Variants in SPPL3 observed in about 807,000 individuals in gnomAD.
SPPL3 encodes the protein signal peptide peptidase like 3.
A neutral mutation model predicts 42.4 loss-of-function variants in SPPL3; 5 were observed. The observed-to-expected ratio is 0.12, with a 90% CI of 0.06 to 0.25. The LOEUF is 0.25. SPPL3 is among the 10% of genes least tolerant of loss of function. The pLI is 1.00. For synonymous variants in SPPL3, 195 were observed against 181.8 expected (o/e 1.07, Z -0.58); for missense variants, 235 against 489.0 (o/e 0.48, Z 4.90).
chr12:120,811,686 TTTG>T (rs1160015348), intron 1 of SPPL3, among the ~76,000 whole-genome samples: 2 of 152,184 alleles, frequency 1.3e-5, no homozygotes, highest in African/African-American at 2.4e-5. Flanking sequence ...TAGCAGGCTT[TTTG>T]TTGTTGTTGT....
chr12:120,766,425 G>C, intron 9 of SPPL3, 53 bp from the exon 10 acceptor site: 1 of 1,443,042 alleles, frequency 6.9e-7, no homozygotes, highest in South Asian at 1.3e-5. Flanking sequence ...CGTGTCACCT[G>C]GCTGCTGCTG....
chr12:120,891,417 C>T (rs761764671), intron 1 of SPPL3, among the ~76,000 whole-genome samples: 5 of 151,670 alleles, frequency 3.3e-5, no homozygotes, highest in Admixed American at 6.6e-5. Flanking sequence ...CATCAGGCCA[C>T]GAGATTTTTT....
intron 1 of SPPL3, among the ~76,000 whole-genome samples, chr12:120,888,983 T>C (rs1296591643): frequency 6.6e-6 from 1 of 151,958 alleles, no homozygotes; most frequent in African/African-American, 2.4e-5. Flanking sequence ...CTGGCTAATT[T>C]TTGCATTTTT....
At chr12:120,776,920 G>T (rs487912) in intron 6 of SPPL3, among the ~76,000 whole-genome samples, 115,068 of 152,120 alleles carry the variant, frequency 0.76, 44,631 homozygotes, top group African/African-American at 0.92. Flanking sequence ...TCTGCTAGCA[G>T]TGAAACTAAT....
chr12:120,884,321 A>G (rs1873383168), intron 1 of SPPL3, among the ~76,000 whole-genome samples: 1 of 152,106 alleles, frequency 6.6e-6, no homozygotes, highest in South Asian at 2.1e-4. Flanking sequence ...TACACATACA[A>G]ATCATATATT....
intron 2 of SPPL3, among the ~76,000 whole-genome samples, chr12:120,793,870 G>A (rs538487405): frequency 6.6e-5 from 10 of 152,312 alleles, no homozygotes; most frequent in South Asian, 4.1e-4. Flanking sequence ...GAGAAAGAGC[G>A]TGTGTTCTGT....
intron 1 of SPPL3, among the ~76,000 whole-genome samples, chr12:120,825,606 A>G (rs1381282640): frequency 2.0e-5 from 3 of 152,252 alleles, no homozygotes; most frequent in Non-Finnish European, 4.4e-5. Flanking sequence ...CTGCAAGATC[A>G]GCTTCTGTTT....
intron 1 of SPPL3, among the ~76,000 whole-genome samples, chr12:120,852,273 A>G (rs1872253046): frequency 6.7e-6 from 1 of 150,238 alleles, no homozygotes; most frequent in African/African-American, 2.4e-5. Flanking sequence ...GTTACATGCC[A>G]ATTTGACATT....
intron 1 of SPPL3, among the ~76,000 whole-genome samples, chr12:120,854,086 G>C (rs1221070046): frequency 6.6e-6 from 1 of 151,230 alleles, no homozygotes; most frequent in Non-Finnish European, 1.5e-5. Flanking sequence ...TCCCCAAACA[G>C]GATAAACCTA....
intron 1 of SPPL3, among the ~76,000 whole-genome samples, chr12:120,884,754 T>TATAA (rs1873396808): frequency 6.6e-6 from 1 of 151,332 alleles, no homozygotes; most frequent in Non-Finnish European, 1.5e-5. Context: ...GACACCCTTA[T>TATAA]GGCTGGAGAT....
intron 1 of SPPL3, among the ~76,000 whole-genome samples, chr12:120,863,960 G>A (rs554597342): frequency 6.6e-6 from 1 of 152,052 alleles, no homozygotes; most frequent in African/African-American, 2.4e-5. Flanking sequence ...TCCCGGGCAT[G>A]AGCTACCACA....
At chr12:120,846,732 C>G (rs1170697583) in intron 1 of SPPL3, among the ~76,000 whole-genome samples, 5 of 152,148 alleles carry the variant, frequency 3.3e-5, no homozygotes, top group African/African-American at 1.2e-4. Flanking sequence ...TTGTGGAAAG[C>G]TGGCAAAATG....
At chr12:120,898,318 A>ATT (rs1457452311) in intron 1 of SPPL3, among the ~76,000 whole-genome samples, 2,357 of 95,584 alleles carry the variant, frequency 0.025, 15 homozygotes, top group Non-Finnish European at 0.047. Flanking sequence ...TTTTTTTAAA[A>ATT]AAAAAAAAAA....
chr12:120,891,736 T>TAAAA (rs5801407), intron 1 of SPPL3, among the ~76,000 whole-genome samples: 3 of 134,644 alleles, frequency 2.2e-5, no homozygotes, highest in Non-Finnish European at 4.8e-5. Context: ...TTGCAAATTC[T>TAAAA]AAAAAAAAAA....
intron 1 of SPPL3, among the ~76,000 whole-genome samples, chr12:120,822,422 A>G (rs1363182145): frequency 6.6e-6 from 1 of 152,234 alleles, no homozygotes; most frequent in Non-Finnish European, 1.5e-5. Context: ...GATTCTAGAA[A>G]CGAAGTCTTA....
At chr12:120,822,125 T>C (rs1272336674) in intron 1 of SPPL3, among the ~76,000 whole-genome samples, 2 of 152,126 alleles carry the variant, frequency 1.3e-5, no homozygotes, top group Non-Finnish European at 2.9e-5. Context: ...GTTTGATGCA[T>C]ACAGAGTTTC....
At chr12:120,786,130 T>A (rs1869714203) in intron 3 of SPPL3, among the ~76,000 whole-genome samples, 1 of 152,098 alleles carries the variant, frequency 6.6e-6, no homozygotes, top group Non-Finnish European at 1.5e-5. Context: ...GGCAGATGAG[T>A]GAAGTAATTC....
chr12:120,824,577 C>T (rs515784), intron 1 of SPPL3, among the ~76,000 whole-genome samples: 136,470 of 152,266 alleles, frequency 0.9, 62,131 homozygotes, highest in East Asian at 1. Flanking sequence ...TCACCCAGGC[C>T]GGAGTGTAGT....
chr12:120,784,283 G>T (rs1257207947), intron 4 of SPPL3, 191 bp downstream of exon 4: 2 of 484,898 alleles, frequency 4.1e-6, no homozygotes, highest in Non-Finnish European at 7.4e-6. Context: ...GGTCTCAACA[G>T]ATGACGTGGA....
Sources: allele counts gnomAD v4.1 joint callset (sites outside exome capture counted in the v4.1 genomes callset), GRCh38; gene constraint gnomAD v4.1.1; transcripts MANE v1.5; gene names NCBI Gene and HGNC (gene_info 2026-07-23, HGNC 2026-07-21).